Variants in DLGAP2 observed in about 807,000 individuals in gnomAD.
The protein encoded by DLGAP2 is DLG associated protein 2.
Under a neutral mutation model 100.3 loss-of-function variants are expected in DLGAP2, and 26 were observed. The observed-to-expected ratio is 0.26, with a 90% CI of 0.19 to 0.36. DLGAP2 has a LOEUF of 0.36. Among genes scored for constraint, DLGAP2 ranks in the 10% least tolerant of loss-of-function variants. The pLI is 1.00. For missense variants in DLGAP2, 1,858 were observed against 1,453.2 expected (o/e 1.28, Z -4.53); for synonymous variants, 886 against 630.1 (o/e 1.41, Z -6.08).
At chr8:1,666,599 G>C (rs1331812128) in intron 8 of DLGAP2, among the ~76,000 whole-genome samples, 1 of 151,556 alleles carries the variant, frequency 6.6e-6, no homozygotes, top group Non-Finnish European at 1.5e-5. Flanking sequence ...AGAATCGCTT[G>C]AACACAGGAG....
intron 10 of DLGAP2, among the ~76,000 whole-genome samples, chr8:1,670,148 A>G (rs4876120): frequency 0.26 from 39,995 of 151,868 alleles, 6,571 homozygotes; most frequent in African/African-American, 0.46. Flanking sequence ...CTCCTCAGCC[A>G]CCTCCCACAG....
intron 3 of DLGAP2, among the ~76,000 whole-genome samples, chr8:1,342,826 G>A (rs571908801): frequency 7.9e-5 from 12 of 152,220 alleles, no homozygotes; most frequent in Non-Finnish European, 1.5e-4. Context: ...GTGATTTAGC[G>A]CTGTATTTCT....
In DLGAP2 at chr8:854,628, C is replaced by T. The variant is rs189359305; in HGVS notation, c.19-53284C>T. Among the ~76,000 whole-genome samples, 15 of 148,964 alleles carry T rather than the reference C, an allele frequency of 1.0e-4. No homozygotes were observed. In the East Asian group the frequency reaches 1.4e-3, roughly 13 times the overall value. ...ATGTGTGTGCATGTTCATGCATGTA[C>T]GTGTCTTTTTGTGTGTGCATGTGTC... On this transcript the variant is annotated intron_variant, in intron 1 of 14. Coordinates refer to ENST00000637795, the MANE Select transcript of DLGAP2 (RefSeq NM_001346810.2).
intron 3 of DLGAP2, among the ~76,000 whole-genome samples, chr8:1,350,054 C>T (rs1364409072): frequency 1.3e-5 from 2 of 152,120 alleles, no homozygotes; most frequent in African/African-American, 2.4e-5. Context: ...AATATAGAAA[C>T]CGTTTCGATA....
intron 2 of DLGAP2, among the ~76,000 whole-genome samples, chr8:931,381 C>G (rs1798952847): frequency 6.6e-6 from 1 of 152,266 alleles, no homozygotes; most frequent in Admixed American, 6.5e-5. Context: ...CGCTCTGCCT[C>G]TCCCGCCTCC....
At chr8:1,363,117 A>G (rs1441559414) in intron 3 of DLGAP2, among the ~76,000 whole-genome samples, 1 of 152,266 alleles carries the variant, frequency 6.6e-6, no homozygotes, top group Non-Finnish European at 1.5e-5. Flanking sequence ...AGTAATTCAT[A>G]AAAAGAAAAT....
At chr8:1,621,134 A>T (rs1327909481) in intron 6 of DLGAP2, 1 of 152,268 alleles carries the variant, frequency 6.6e-6, no homozygotes, top group Non-Finnish European at 1.5e-5. Context: ...ACCCAGACTT[A>T]CGTGGGAGGT....
chr8:1,197,397 C>T (rs540191759), intron 2 of DLGAP2, among the ~76,000 whole-genome samples: 12 of 152,350 alleles, frequency 7.9e-5, no homozygotes, highest in African/African-American at 2.6e-4. Context: ...TTCCGGGGAA[C>T]CCAAACCAAG....
intron 7 of DLGAP2, among the ~76,000 whole-genome samples, chr8:1,629,408 C>A (rs1797589296): frequency 1.3e-5 from 2 of 152,210 alleles, no homozygotes. Context: ...GGTGGGTCCT[C>A]CAGCCCCCTG....
chr8:956,825 T>A (rs183771252), intron 2 of DLGAP2, among the ~76,000 whole-genome samples: 29 of 152,342 alleles, frequency 1.9e-4, no homozygotes, highest in African/African-American at 6.5e-4. Context: ...ACTGTTTAAA[T>A]GGTATTTAAG....
chr8:1,517,941 T>G (rs1482543633), intron 4 of DLGAP2, among the ~76,000 whole-genome samples: 3 of 152,220 alleles, frequency 2.0e-5, no homozygotes, highest in African/African-American at 7.2e-5. Flanking sequence ...CTGGGAACTT[T>G]CTGGAGCAAG....
intron 1 of DLGAP2, chr8:740,482 C>T (rs1276261824): frequency 6.6e-6 from 1 of 152,188 alleles, no homozygotes; most frequent in African/African-American, 2.4e-5. Flanking sequence ...CATACATGCC[C>T]TTCTGTGGCA....
chr8:974,592 A>G (rs1299357420), intron 2 of DLGAP2, among the ~76,000 whole-genome samples: 3 of 152,236 alleles, frequency 2.0e-5, no homozygotes, highest in Non-Finnish European at 4.4e-5. Context: ...AGTAACAGAA[A>G]GATAGCCAGA....
intron 3 of DLGAP2, among the ~76,000 whole-genome samples, chr8:1,484,169 C>T (rs977203046): frequency 2.0e-5 from 3 of 152,204 alleles, no homozygotes; most frequent in Non-Finnish European, 4.4e-5. Flanking sequence ...GGTGCCAAGG[C>T]CACAGCCTCC....
rs770226269 is a variant in DLGAP2, at chr8:1,364,502, C to CCGG, written c.106+105619_106+105620insCGG. Among the ~76,000 whole-genome samples the CCGG allele has an allele frequency of 5.5e-3, 779 of 141,564 alleles. 9 individuals carry two copies. The highest frequency in any genetic ancestry group is 0.02 in the African/African-American group (737 of 37,244). 92.9% of individuals were successfully genotyped at this position (141,564 alleles called of 152,430 possible). A position where few individuals can be genotyped will look rare whatever the true frequency, so the allele number is the denominator to read the frequency against. ...AGGCGGGCGCCGGTCATGGGAAGGGCGGGGGGGGTGCAGCGAAGCAGACAC... is the reference window on the plus strand; with the variant it reads ...AGGCGGGCGCCGGTCATGGGAAGGGCCGGGGGGGGGGTGCAGCGAAGCAGACAC... On this transcript the variant is annotated intron_variant, in intron 3 of 14. Transcript: ENST00000637795.
intron 2 of DLGAP2, among the ~76,000 whole-genome samples, chr8:1,152,105 G>T (rs1345810109): frequency 1.9e-4 from 29 of 152,206 alleles, no homozygotes; most frequent in Admixed American, 1.9e-3. Context: ...GAGAGGCACA[G>T]TATGTGTTCA....
chr8:1,154,579 C>T (rs56903576), intron 2 of DLGAP2, among the ~76,000 whole-genome samples: 6,437 of 152,188 alleles, frequency 0.042, 476 homozygotes, highest in African/African-American at 0.15. Context: ...TGTTTCTTTT[C>T]TTCTTTCATC....
At chr8:781,178 CTTATTG>C (rs1821676675) in intron 1 of DLGAP2, among the ~76,000 whole-genome samples, 1 of 152,018 alleles carries the variant, frequency 6.6e-6, no homozygotes, top group Admixed American at 6.5e-5. Flanking sequence ...AAACTTCATA[CTTATTG>C]TTAGTAAGGA....
chr8:1,332,304 G>C (rs1801175543), intron 3 of DLGAP2, among the ~76,000 whole-genome samples: 1 of 151,900 alleles, frequency 6.6e-6, no homozygotes. Flanking sequence ...ACGTGTGTCA[G>C]TGTGTGTGTG....
Sources: allele counts gnomAD v4.1 joint callset (sites outside exome capture counted in the v4.1 genomes callset), GRCh38; gene constraint gnomAD v4.1.1; transcripts MANE v1.5; gene names NCBI Gene and HGNC (gene_info 2026-07-23, HGNC 2026-07-21).